The following ZNF618 variants were observed in gnomAD, a reference collection of about 807,000 sequenced individuals.
The protein encoded by ZNF618 is neural precursor cell expressed, developmentally down-regulated 10.
In ZNF618, 34 loss-of-function variants were observed where a neutral mutation model predicts 103.0. The ratio of observed to expected loss-of-function variants is 0.33; its 90% confidence interval spans 0.25 to 0.44. The LOEUF is 0.44. Ranked by LOEUF, ZNF618 falls within the 20% of genes least tolerant of loss-of-function variation. The pLI, the probability that ZNF618 is intolerant of heterozygous loss-of-function variation, is 1.00. For synonymous variants in ZNF618, 551 were observed against 542.2 expected, an observed-to-expected ratio of 1.02 and a Z score of -0.23; for missense variants, 1,059 against 1,295.4, an observed-to-expected ratio of 0.82 and a Z score of 2.80.
rs773968199 is a variant in ZNF618 at position 114,032,745 on chromosome 9, A to G, written c.1168+17A>G. ...ACTCCAGCGGTGAGTGTGCCCCTTGACAGCCATCCTGTGCGGTAGCTGCCA... is the reference window on the plus strand; with the variant it reads ...ACTCCAGCGGTGAGTGTGCCCCTTGGCAGCCATCCTGTGCGGTAGCTGCCA... On this transcript the variant is annotated intron_variant, in intron 12 of 14. Transcript: ENST00000374126. 2 of 1,612,986 alleles carry G rather than the reference A, an allele frequency of 1.2e-6. No homozygotes were observed. The highest frequency in any genetic ancestry group is 2.2e-5 in the South Asian group (2 of 91,064).
intron 9 of ZNF618, 62 bp downstream of exon 9, chr9:114,008,616 C>T: frequency 1.3e-6 from 2 of 1,589,768 alleles, no homozygotes; most frequent in South Asian, 1.1e-5. Flanking sequence ...AGGCAGGGCT[C>T]AGTCTCACTG....
At chr9:113,905,817 A>C (rs2131341084) in intron 1 of ZNF618, among the ~76,000 whole-genome samples, 1 of 152,204 alleles carries the variant, frequency 6.6e-6, no homozygotes, top group South Asian at 2.1e-4. Context: ...CTCTTCCCAA[A>C]GTCTAAACTC....
intron 13 of ZNF618, among the ~76,000 whole-genome samples, chr9:114,045,895 C>T (rs545276637): frequency 1.3e-5 from 2 of 151,616 alleles, no homozygotes; most frequent in African/African-American, 2.4e-5. Context: ...TTACTTAGGT[C>T]TTATTTGAGT....
At chr9:114,008,262 CA>C (rs1841929627) in intron 7 of ZNF618, 81 bp from the exon 8 acceptor site, 1 of 1,577,362 alleles carries the variant, frequency 6.3e-7, no homozygotes, top group South Asian at 1.2e-5. Context: ...GGAGCAGTGG[CA>C]GAGGCAGCTC....
chr9:114,024,728 C>A (rs1206384434), intron 10 of ZNF618, among the ~76,000 whole-genome samples: 1 of 151,826 alleles, frequency 6.6e-6, no homozygotes, highest in Non-Finnish European at 1.5e-5. Context: ...ACTACACAGC[C>A]CCCCCACCCC....
At chr9:114,025,265 A>G (rs1295576046) in intron 10 of ZNF618, among the ~76,000 whole-genome samples, 1 of 152,220 alleles carries the variant, frequency 6.6e-6, no homozygotes, top group Non-Finnish European at 1.5e-5. Context: ...ATTTGCCTCC[A>G]ATGCAGTTTC....
At chr9:114,028,563 T>C (rs1390580971) in intron 10 of ZNF618, 170 bp from the exon 11 acceptor site, 1 of 1,046,610 alleles carries the variant, frequency 9.6e-7, no homozygotes, top group Non-Finnish European at 1.3e-6. Flanking sequence ...GGTTCCAGAC[T>C]CCTGGACTTT....
At chr9:113,882,422 G>T (rs190872131) in intron 1 of ZNF618, among the ~76,000 whole-genome samples, 11 of 152,284 alleles carry the variant, frequency 7.2e-5, no homozygotes, top group Admixed American at 7.2e-4. Context: ...ACTCTCAGCC[G>T]GTCTGAGGGC....
At chr9:114,023,263 G>A (rs1168301170) in intron 10 of ZNF618, among the ~76,000 whole-genome samples, 3 of 151,710 alleles carry the variant, frequency 2.0e-5, no homozygotes, top group Non-Finnish European at 4.4e-5. Flanking sequence ...ATGCCTCTTA[G>A]CTTTCTAGCC....
chr9:113,947,979 T>C (rs1835198654), intron 1 of ZNF618, among the ~76,000 whole-genome samples: 2 of 152,128 alleles, frequency 1.3e-5, no homozygotes, highest in African/African-American at 2.4e-5. Context: ...TTGCCACTCT[T>C]GACAAAGAGC....
chr9:114,014,944 G>C (rs1327369430), intron 9 of ZNF618, among the ~76,000 whole-genome samples: 1 of 151,888 alleles, frequency 6.6e-6, no homozygotes, highest in Admixed American at 6.6e-5. Flanking sequence ...GAGCTTTTAG[G>C]TATCAAACAA....
chr9:114,016,689 G>T lies in ZNF618; in HGVS notation c.755-6G>T. 1 of 1,612,964 alleles carries T rather than the reference G, an allele frequency of 6.2e-7. No homozygotes were observed. Among genetic ancestry groups the T allele is most frequent in the Non-Finnish European group, 8.5e-7 (1 of 1,179,250 alleles). ...ATTCTTACACCTTCGTTTCCTTCCT[G>T]GACAGAAACTGGCAATTACACCTGT... On this transcript the variant is annotated splice_region_variant and splice_polypyrimidine_tract_variant and intron_variant, in intron 9 of 14. Coordinates refer to ENST00000374126, the MANE Select transcript of ZNF618 (RefSeq NM_001318042.2).
intron 1 of ZNF618, among the ~76,000 whole-genome samples, chr9:113,918,350 C>CTAAT (rs1832316923): frequency 6.6e-6 from 1 of 152,148 alleles, no homozygotes; most frequent in South Asian, 2.1e-4. Flanking sequence ...TTATTCTTTG[C>CTAAT]ATTAATAAGT....
chr9:114,034,312 G>A (rs761475390), intron 12 of ZNF618, among the ~76,000 whole-genome samples: 3 of 152,256 alleles, frequency 2.0e-5, no homozygotes, highest in Middle Eastern at 3.4e-3. Context: ...AAGTAGTAGC[G>A]CCGGGCTGGA....
At chr9:113,915,329 G>A (rs1199145215) in intron 1 of ZNF618, among the ~76,000 whole-genome samples, 4 of 152,156 alleles carry the variant, frequency 2.6e-5, no homozygotes, top group South Asian at 2.1e-4. Context: ...GTTGACATCC[G>A]CTACTGTCAA....
chr9:113,990,110 G>T (rs976932857), intron 3 of ZNF618, among the ~76,000 whole-genome samples: 1 of 152,154 alleles, frequency 6.6e-6, no homozygotes, highest in Non-Finnish European at 1.5e-5. Flanking sequence ...CCTCTCCCAG[G>T]AATGCCTTCC....
At chr9:113,878,426 A>G (rs1352162107) in intron 1 of ZNF618, among the ~76,000 whole-genome samples, 1 of 152,246 alleles carries the variant, frequency 6.6e-6, no homozygotes, top group African/African-American at 2.4e-5. Flanking sequence ...GAAAGCATAT[A>G]TGCAAACAAT....
At chr9:113,951,578 T>TAC (rs1491475851) in intron 1 of ZNF618, among the ~76,000 whole-genome samples, 28 of 7,460 alleles carry the variant, frequency 3.8e-3, no homozygotes, top group Admixed American at 6.5e-3. Flanking sequence ...TGTGTGTATA[T>TAC]GTGTGTGTGT....
intron 11 of ZNF618, among the ~76,000 whole-genome samples, chr9:114,029,259 CTG>C (rs1843787290): frequency 6.6e-6 from 1 of 152,142 alleles, no homozygotes; most frequent in African/African-American, 2.4e-5. Context: ...AAATCATGGC[CTG>C]AGGGGCCTGT....
Sources: gnomAD v4.1 joint callset for allele counts (sites outside exome capture counted in the v4.1 genomes callset) on GRCh38, gnomAD v4.1.1 for gene constraint, MANE v1.5 for transcripts, NCBI Gene and HGNC (gene_info 2026-07-23, HGNC 2026-07-21) for gene names.